Variants in GRIN2B observed in about 807,000 individuals in gnomAD.
GRIN2B encodes glutamate ionotropic receptor NMDA type subunit 2B, also known as glutamate receptor ionotropic, NMDA 2B.
A neutral mutation model predicts 114.5 loss-of-function variants in GRIN2B; 5 were observed. The ratio of observed to expected loss-of-function variants is 0.04; its 90% CI spans 0.02 to 0.09. The LOEUF (loss-of-function observed/expected upper bound fraction) is 0.09. GRIN2B is among the 10% of genes least tolerant of loss of function. The pLI is 1.00. For missense variants in GRIN2B, 1,108 were observed against 1,943.5 expected, an observed-to-expected ratio of 0.57 and a Z score of 8.08; for synonymous variants, 787 against 745.1, an observed-to-expected ratio of 1.06 and a Z score of -0.92.
At chr12:13,617,520 A>C (rs1469887913) in intron 5 of GRIN2B, among the ~76,000 whole-genome samples, 1 of 152,192 alleles carries the variant, frequency 6.6e-6, no homozygotes, top group Non-Finnish European at 1.5e-5. Context: ...CAGAAGAGCC[A>C]CTCATTCCTA....
At position 13,556,094 on chromosome 12, in the gene GRIN2B, G is replaced by A. The variant is rs1948476157; in HGVS notation, c.*6689C>T. 6.6e-6 allele frequency: 1 copy of A among 152,178 alleles called. No individual in the cohort carries two copies. Among genetic ancestry groups the A allele is most frequent in the Non-Finnish European group, 1.5e-5 (1 of 68,044 alleles). 9.4% of individuals were successfully genotyped at this position (152,178 alleles called of 1,614,324 possible). A position where few individuals can be genotyped will look rare whatever the true frequency, so the allele number is the denominator to read the frequency against. ...TGGACCAGAACAACAGAGGGGTCTT[G>A]AAGGAAGGAAGATATAGAAAAGGCA... On this transcript the variant is annotated 3_prime_UTR_variant, in exon 14 of 14. Transcript: ENST00000609686.
At chr12:13,971,787 C>A (rs909746112) in intron 2 of GRIN2B, among the ~76,000 whole-genome samples, 15 of 152,156 alleles carry the variant, frequency 9.9e-5, no homozygotes, top group Non-Finnish European at 1.8e-4. Flanking sequence ...GCAGCCACAC[C>A]TGTTTTAAGG....
chr12:13,699,635 C>G (rs991995593), intron 4 of GRIN2B, among the ~76,000 whole-genome samples: 1 of 151,544 alleles, frequency 6.6e-6, no homozygotes, highest in African/African-American at 2.4e-5. Context: ...GTTGCCAGGC[C>G]GGAGTGAAGT....
At chr12:13,918,422 C>T (rs774750332) in intron 2 of GRIN2B, among the ~76,000 whole-genome samples, 20 of 152,174 alleles carry the variant, frequency 1.3e-4, no homozygotes, top group Middle Eastern at 3.4e-3. Context: ...GAAAAGGATA[C>T]GGAAAATAGT....
chr12:13,640,859 A>T (rs1051808253), intron 5 of GRIN2B, among the ~76,000 whole-genome samples: 3 of 152,146 alleles, frequency 2.0e-5, no homozygotes, highest in Admixed American at 6.5e-5. Context: ...GAAGATAATG[A>T]GGTTTAAAAA....
At chr12:13,833,569 A>G (rs1303131592) in intron 3 of GRIN2B, among the ~76,000 whole-genome samples, 3 of 152,102 alleles carry the variant, frequency 2.0e-5, no homozygotes, top group Admixed American at 6.6e-5. Context: ...TTGAATTCCT[A>G]CTATCTGGCT....
At chr12:13,897,281 G>C (rs1239515341) in intron 2 of GRIN2B, among the ~76,000 whole-genome samples, 1 of 152,106 alleles carries the variant, frequency 6.6e-6, no homozygotes, top group Non-Finnish European at 1.5e-5. Context: ...CCCCACTGCA[G>C]CACCTGTCCA....
intron 3 of GRIN2B, among the ~76,000 whole-genome samples, chr12:13,773,602 A>G (rs191671380): frequency 1.3e-5 from 2 of 152,234 alleles, no homozygotes; most frequent in African/African-American, 4.8e-5. Context: ...GTATGGGCAC[A>G]CTGATCTCTG....
rs868047980 is a variant in GRIN2B at position 13,680,254 on chromosome 12, G to A, written c.1011-4395C>T. The stretch of plus-strand genomic sequence containing the variant: ...GATTTTTAATATTAATTAGAACCTC[G>A]AAACGTTCATGTGTGAATCCTGGGT... On this transcript the variant is annotated intron_variant, in intron 4 of 13. Coordinates refer to ENST00000609686, the MANE Select transcript of GRIN2B (RefSeq NM_000834.5). Among the ~76,000 whole-genome samples the A allele has an allele frequency of 9.2e-5, 14 of 152,102 alleles. No homozygotes were observed. The South Asian group carries it at 2.1e-3, about 23-fold the overall frequency.
chr12:13,761,796 G>T (rs1184634211), intron 3 of GRIN2B, among the ~76,000 whole-genome samples: 6 of 152,120 alleles, frequency 3.9e-5, no homozygotes, highest in Admixed American at 1.3e-4. Context: ...AGGGAAGAAG[G>T]CAGGAAAATA....
chr12:13,942,138 C>T (rs1867268863), intron 2 of GRIN2B, among the ~76,000 whole-genome samples: 1 of 152,176 alleles, frequency 6.6e-6, no homozygotes, highest in Non-Finnish European at 1.5e-5. Context: ...GAACCAAGGG[C>T]TTCTGAGATC....
chr12:13,813,899 G>A (rs1864775626), intron 3 of GRIN2B, among the ~76,000 whole-genome samples: 1 of 152,116 alleles, frequency 6.6e-6, no homozygotes, highest in African/African-American at 2.4e-5. Flanking sequence ...TACTTTTGGA[G>A]ATATTTGAAA....
At chr12:13,977,737 G>T (rs1467094503) in intron 2 of GRIN2B, among the ~76,000 whole-genome samples, 2 of 152,270 alleles carry the variant, frequency 1.3e-5, no homozygotes, top group African/African-American at 4.8e-5. Context: ...GCCTCACAGA[G>T]ACTGCCTGCG....
At chr12:13,971,798 G>A (rs1340002745) in intron 2 of GRIN2B, among the ~76,000 whole-genome samples, 1 of 152,132 alleles carries the variant, frequency 6.6e-6, no homozygotes, top group Non-Finnish European at 1.5e-5. Flanking sequence ...TGTTTTAAGG[G>A]CGTCAGGAAA....
intron 2 of GRIN2B, among the ~76,000 whole-genome samples, chr12:13,909,053 G>C (rs965637209): frequency 6.6e-6 from 1 of 151,998 alleles, no homozygotes; most frequent in Non-Finnish European, 1.5e-5. Context: ...ACAAACGCAG[G>C]CTCCAAAAAA....
chr12:13,617,314 G>A (rs954882295), intron 5 of GRIN2B, among the ~76,000 whole-genome samples: 1 of 152,228 alleles, frequency 6.6e-6, no homozygotes, highest in Non-Finnish European at 1.5e-5. Context: ...TGCACCTCCT[G>A]GGCTGGGTGG....
intron 4 of GRIN2B, among the ~76,000 whole-genome samples, chr12:13,682,887 A>G (rs918879875): frequency 2.0e-5 from 3 of 152,204 alleles, no homozygotes; most frequent in Non-Finnish European, 2.9e-5. Context: ...ATTCTGTTTC[A>G]CAACTGAATA....
intron 2 of GRIN2B, among the ~76,000 whole-genome samples, chr12:13,964,502 C>A (rs1434854196): frequency 6.6e-6 from 1 of 152,218 alleles, no homozygotes; most frequent in East Asian, 1.9e-4. Flanking sequence ...AAAGTCTTCA[C>A]CTTCTAGAGA....
chr12:13,875,442 G>A (rs982429990), intron 2 of GRIN2B, among the ~76,000 whole-genome samples: 1 of 152,124 alleles, frequency 6.6e-6, no homozygotes, highest in African/African-American at 2.4e-5. Context: ...CAGGAGAATC[G>A]CTTGAACCCA....
Sources: gnomAD v4.1 joint callset for allele counts (sites outside exome capture counted in the v4.1 genomes callset) on GRCh38, gnomAD v4.1.1 for gene constraint, MANE v1.5 for transcripts, NCBI Gene and HGNC (gene_info 2026-07-23, HGNC 2026-07-21) for gene names.